The following UNC13C variants were observed in gnomAD, a reference collection of about 807,000 sequenced individuals.
The protein encoded by UNC13C is protein unc-13 homolog C.
UNC13C carries 174 observed loss-of-function variants against 245.4 expected under a neutral mutation model. That is an observed-to-expected ratio of 0.71 (90% confidence interval 0.63 to 0.80). UNC13C has a LOEUF of 0.80. Among genes scored for constraint, UNC13C ranks in the 30% least tolerant of loss-of-function variants. The probability of loss-of-function intolerance (pLI) is 0.00; values close to 1 mark genes in which losing one functional copy is unlikely to be tolerated. For synonymous variants in UNC13C, 992 were observed against 895.1 expected, an observed-to-expected ratio of 1.11 and a Z score of -1.93; for missense variants, 2,829 against 2,602.9, an observed-to-expected ratio of 1.09 and a Z score of -1.89.
chr15:53,995,698 T>A (rs1349064997), intron 1 of UNC13C, among the ~76,000 whole-genome samples: 1 of 152,066 alleles, frequency 6.6e-6, no homozygotes, highest in African/African-American at 2.4e-5. Flanking sequence ...CAGGTCCCAT[T>A]GTCGTGGAAG....
chr15:54,482,665 G>C (rs999892606), intron 19 of UNC13C, among the ~76,000 whole-genome samples: 4 of 84,112 alleles, frequency 4.8e-5, no homozygotes, highest in Non-Finnish European at 5.1e-5. Context: ...TTACCTACTT[G>C]GTGTTTAGGT....
At chr15:54,235,245 C>A in intron 5 of UNC13C, 137 bp downstream of exon 5, 1 of 598,282 alleles carries the variant, frequency 1.7e-6, no homozygotes, top group Non-Finnish European at 2.9e-6. Flanking sequence ...ATGCTACCTG[C>A]TGTTATATTT....
At chr15:54,276,444 C>T (rs2036834437) in intron 10 of UNC13C, among the ~76,000 whole-genome samples, 1 of 152,030 alleles carries the variant, frequency 6.6e-6, no homozygotes, top group Admixed American at 6.6e-5. Context: ...TGATTATGAC[C>T]ACACAGTAAT....
chr15:54,196,426 T>C (rs1328299114), intron 4 of UNC13C, among the ~76,000 whole-genome samples: 1 of 152,062 alleles, frequency 6.6e-6, no homozygotes, highest in Non-Finnish European at 1.5e-5. Context: ...TTGGATCTAT[T>C]CCACATTCAA....
intron 19 of UNC13C, among the ~76,000 whole-genome samples, chr15:54,491,991 C>CG (rs374727319): frequency 7.5e-6 from 1 of 134,182 alleles, no homozygotes; most frequent in Non-Finnish European, 1.6e-5. Context: ...GACTCCATCT[C>CG]AAAAAAAAAA....
At chr15:54,403,715 CAA>C (rs771818988) in intron 18 of UNC13C, among the ~76,000 whole-genome samples, 54 of 56,856 alleles carry the variant, frequency 9.5e-4, no homozygotes, top group African/African-American at 3.2e-3. Context: ...GAACCTGTCT[CAA>C]AAAAAAAAAA....
chr15:53,876,552 T>C, the UNC13C span, among the ~76,000 whole-genome samples: 1 of 152,322 alleles, frequency 6.6e-6, no homozygotes, highest in African/African-American at 2.4e-5. Flanking sequence ...GTCTCGTTAA[T>C]GCTTACACAG....
intron 4 of UNC13C, among the ~76,000 whole-genome samples, chr15:54,169,476 C>T (rs777135352): frequency 1.3e-5 from 2 of 152,130 alleles, no homozygotes; most frequent in Non-Finnish European, 2.9e-5. Flanking sequence ...AATTAATTGC[C>T]TACTCGAGTT....
chr15:54,280,414 A>G (rs1462039465), intron 10 of UNC13C, among the ~76,000 whole-genome samples: 1 of 151,640 alleles, frequency 6.6e-6, no homozygotes, highest in Admixed American at 6.6e-5. Flanking sequence ...AATATATCAA[A>G]CTTTTTAAAG....
intron 14 of UNC13C, among the ~76,000 whole-genome samples, chr15:54,326,006 A>G (rs2140986281): frequency 6.6e-6 from 1 of 152,118 alleles, no homozygotes; most frequent in South Asian, 2.1e-4. Flanking sequence ...AGAATAAGTG[A>G]CTATAAGTAC....
At chr15:54,595,218 C>T (rs1192690341) in intron 30 of UNC13C, among the ~76,000 whole-genome samples, 1 of 152,042 alleles carries the variant, frequency 6.6e-6, no homozygotes, top group African/African-American at 2.4e-5. Flanking sequence ...TGTTATCTCC[C>T]TGAGCAACCT....
At chr15:54,540,307 G>C (rs953030599) in intron 26 of UNC13C, among the ~76,000 whole-genome samples, 19 of 151,960 alleles carry the variant, frequency 1.3e-4, no homozygotes, top group African/African-American at 4.6e-4. Flanking sequence ...GCATTCCAAG[G>C]GGAGGGAAAA....
rs928325931 is a variant in UNC13C at position 54,622,404 on chromosome 15, A to G, written c.6184A>G (p.Lys2062Glu). The G allele has an allele frequency of 6.2e-7, 1 of 1,612,798 alleles. No homozygotes were observed. Among genetic ancestry groups the G allele is most frequent in the Non-Finnish European group, 8.5e-7 (1 of 1,179,024 alleles). Residue 2062 changes from lysine to glutamate, a missense_variant, in exon 31 of 33, where the codon AAA becomes GAA. Coordinates refer to ENST00000260323, the MANE Select transcript of UNC13C (RefSeq NM_001080534.3). ...TGCCACCCCAGGAACGGGAGATCAT[A>G]AAGTCACTGTAAAAGGTATACTTCT... is the stretch of plus-strand genomic sequence containing the variant. ...ITATPGTGDH[K>E]VTVKVIAIND...
intron 30 of UNC13C, among the ~76,000 whole-genome samples, chr15:54,606,499 A>T (rs1899773604): frequency 6.6e-6 from 1 of 152,190 alleles, no homozygotes; most frequent in Admixed American, 6.5e-5. Context: ...CTTAATTTTT[A>T]AAAAGAAAGA....
At chr15:54,524,690 C>T (rs1213924965) in intron 24 of UNC13C, among the ~76,000 whole-genome samples, 3 of 151,762 alleles carry the variant, frequency 2.0e-5, no homozygotes, top group Non-Finnish European at 4.4e-5. Context: ...ATATTAGGTC[C>T]TATATTTAGT....
At chr15:53,987,752 A>G (rs1299251190) in intron 1 of UNC13C, among the ~76,000 whole-genome samples, 2 of 152,034 alleles carry the variant, frequency 1.3e-5, no homozygotes, top group Non-Finnish European at 2.9e-5. Context: ...ATCCCAGTGC[A>G]CTGATGTGAC....
intron 19 of UNC13C, among the ~76,000 whole-genome samples, chr15:54,463,134 A>G (rs1398872074): frequency 1.3e-5 from 2 of 151,210 alleles, no homozygotes; most frequent in African/African-American, 4.9e-5. Flanking sequence ...TAAATGCACC[A>G]CTCAGCACCC....
intron 2 of UNC13C, among the ~76,000 whole-genome samples, chr15:54,071,696 A>G (rs1347225517): frequency 6.6e-6 from 1 of 152,200 alleles, no homozygotes; most frequent in East Asian, 1.9e-4. Context: ...ATGACATATG[A>G]AAATTGCATA....
At chr15:54,062,259 C>T (rs182500873) in intron 2 of UNC13C, among the ~76,000 whole-genome samples, 1 of 150,118 alleles carries the variant, frequency 6.7e-6, no homozygotes, top group East Asian at 2.0e-4. Context: ...GTGGAGGTTG[C>T]AGTGAGCCGA....
Sources: allele counts gnomAD v4.1 joint callset (sites outside exome capture counted in the v4.1 genomes callset), GRCh38; gene constraint gnomAD v4.1.1; transcripts MANE v1.5; gene names NCBI Gene and HGNC (gene_info 2026-07-23, HGNC 2026-07-21).